FRMD3: variants seen among roughly 807,000 people sequenced by gnomAD.
FRMD3 encodes FERM domain containing 3.
In FRMD3, 33 loss-of-function variants were observed where a neutral mutation model predicts 70.2. The ratio of observed to expected loss-of-function variants is 0.47; its 90% CI spans 0.36 to 0.63. FRMD3 has a LOEUF of 0.63. Ranked by LOEUF, FRMD3 falls within the 20% of genes least tolerant of loss-of-function variation. The pLI is 0.00. For missense variants in FRMD3, 632 were observed against 711.4 expected, an observed-to-expected ratio of 0.89 and a Z score of 1.27; for synonymous variants, 279 against 255.9, an observed-to-expected ratio of 1.09 and a Z score of -0.86.
At chr9:83,402,118 T>A (rs1825966142) in intron 1 of FRMD3, among the ~76,000 whole-genome samples, 1 of 151,636 alleles carries the variant, frequency 6.6e-6, no homozygotes, top group Admixed American at 6.6e-5. Context: ...TGCTTGTGGC[T>A]CATATTTTTT....
At chr9:83,576,944 C>T in the FRMD3 span, among the ~76,000 whole-genome samples, 1 of 152,046 alleles carries the variant, frequency 6.6e-6, no homozygotes, top group Admixed American at 6.6e-5. Context: ...TTGTATTTCT[C>T]TATGCTAGGA....
At chr9:83,382,051 A>G (rs540971498) in intron 2 of FRMD3, among the ~76,000 whole-genome samples, 39 of 151,692 alleles carry the variant, frequency 2.6e-4, no homozygotes, top group Non-Finnish European at 3.2e-4. Context: ...ATGCCATAGG[A>G]TGTAAAAAAA....
At chr9:83,261,744 G>A (rs1833005965) in intron 13 of FRMD3, among the ~76,000 whole-genome samples, 2 of 152,172 alleles carry the variant, frequency 1.3e-5, no homozygotes, top group South Asian at 2.1e-4. Flanking sequence ...GCTAAGTTTG[G>A]GAAACTGCAC....
At chr9:83,490,044 G>C (rs575700086) in intron 1 of FRMD3, among the ~76,000 whole-genome samples, 1 of 152,174 alleles carries the variant, frequency 6.6e-6, no homozygotes, top group South Asian at 2.1e-4. Context: ...ATATACACTG[G>C]CGCCCAGCCC....
At chr9:83,270,456 G>A (rs1833497324) in intron 13 of FRMD3, among the ~76,000 whole-genome samples, 1 of 152,178 alleles carries the variant, frequency 6.6e-6, no homozygotes, top group Non-Finnish European at 1.5e-5. Flanking sequence ...GGACATCTGG[G>A]AGCCCTGGTG....
intron 1 of FRMD3, among the ~76,000 whole-genome samples, chr9:83,480,204 G>T (rs1167804513): frequency 1.3e-5 from 2 of 152,074 alleles, no homozygotes; most frequent in East Asian, 3.9e-4. Context: ...CATAAATAGG[G>T]CAGCAAATGA....
In FRMD3 at chr9:83,245,790, G is replaced by A. The variant is rs188466605; in HGVS notation, c.*2128C>T. The stretch of plus-strand genomic sequence containing the variant: ...GCAGACTACACTAAAGTTGCCTTAT[G>A]TCAGAAAGGATGACTTAGAAGTCGT... On this transcript the variant is annotated 3_prime_UTR_variant, in exon 14 of 14. Coordinates refer to ENST00000304195, the MANE Select transcript of FRMD3 (RefSeq NM_174938.6). The A allele has an allele frequency of 1.0e-6, 1 of 985,044 alleles. No homozygotes were observed. The highest frequency in any genetic ancestry group is 6.1e-5 in the Admixed American group (1 of 16,282). The allele number at this position is 985,044 out of a possible 1,614,324, so 61.0% of individuals were successfully genotyped here.
intron 12 of FRMD3, among the ~76,000 whole-genome samples, chr9:83,292,869 C>T (rs1834497340): frequency 6.6e-6 from 1 of 151,988 alleles, no homozygotes; most frequent in African/African-American, 2.4e-5. Flanking sequence ...TGGTCTCAAA[C>T]TCCTGACCTA....
At chr9:83,510,778 G>A (rs976564195) in intron 1 of FRMD3, among the ~76,000 whole-genome samples, 6 of 152,252 alleles carry the variant, frequency 3.9e-5, no homozygotes, top group Non-Finnish European at 8.8e-5. Context: ...ACCACATACT[G>A]TATCATTCCG....
the FRMD3 span, among the ~76,000 whole-genome samples, chr9:83,553,913 G>A: frequency 4.1e-4 from 63 of 152,336 alleles, no homozygotes; most frequent in Middle Eastern, 3.4e-3. Context: ...ATGGTCATCT[G>A]GAGTACATAC....
At chr9:83,564,955 C>T in the FRMD3 span, among the ~76,000 whole-genome samples, 1 of 152,204 alleles carries the variant, frequency 6.6e-6, no homozygotes, top group Non-Finnish European at 1.5e-5. Context: ...GCAGAGGCAG[C>T]AGATGTCAGA....
intron 10 of FRMD3, among the ~76,000 whole-genome samples, chr9:83,304,383 A>C (rs1300677998): frequency 2.0e-5 from 3 of 152,152 alleles, no homozygotes; most frequent in African/African-American, 7.2e-5. Context: ...GACCCACCGC[A>C]CAGTATCCCC....
intron 1 of FRMD3, among the ~76,000 whole-genome samples, chr9:83,460,984 GA>G (rs1262766448): frequency 6.6e-6 from 1 of 151,836 alleles, no homozygotes; most frequent in Non-Finnish European, 1.5e-5. Context: ...TAGAGGTGGG[GA>G]CAGCCAGGGT....
chr9:83,342,623 T>C (rs941559647), intron 5 of FRMD3, among the ~76,000 whole-genome samples: 21 of 151,970 alleles, frequency 1.4e-4, no homozygotes, highest in Admixed American at 1.3e-4. Context: ...TTAGACATGA[T>C]AGACATGTAC....
At chr9:83,449,831 T>C (rs567887652) in intron 1 of FRMD3, among the ~76,000 whole-genome samples, 5 of 152,318 alleles carry the variant, frequency 3.3e-5, no homozygotes, top group East Asian at 3.9e-4. Flanking sequence ...TATGTTAAGA[T>C]TGGAAACTCA....
At chr9:83,404,179 C>T (rs1057060597) in intron 1 of FRMD3, among the ~76,000 whole-genome samples, 4 of 152,296 alleles carry the variant, frequency 2.6e-5, no homozygotes, top group Middle Eastern at 3.4e-3. Context: ...ACACCTACCC[C>T]TTTCTTCAAG....
At chr9:83,355,864 A>G (rs1824319168) in intron 3 of FRMD3, among the ~76,000 whole-genome samples, 1 of 152,202 alleles carries the variant, frequency 6.6e-6, no homozygotes, top group African/African-American at 2.4e-5. Context: ...GGAAAAAGTG[A>G]AATCCACTTT....
intron 6 of FRMD3, among the ~76,000 whole-genome samples, chr9:83,335,026 CAGCT>C (rs1823529792): frequency 6.7e-6 from 1 of 150,166 alleles, no homozygotes; most frequent in Non-Finnish European, 1.5e-5. Flanking sequence ...TGCTACTGTG[CAGCT>C]ATCATTGAAG....
intron 1 of FRMD3, among the ~76,000 whole-genome samples, chr9:83,405,154 T>G (rs895596195): frequency 7.9e-5 from 12 of 152,260 alleles, no homozygotes; most frequent in Admixed American, 7.2e-4. Context: ...CCCCAGCAGT[T>G]TTAAGCACAA....
Sources: gnomAD v4.1 joint callset for allele counts (sites outside exome capture counted in the v4.1 genomes callset) on GRCh38, gnomAD v4.1.1 for gene constraint, MANE v1.5 for transcripts, NCBI Gene and HGNC (gene_info 2026-07-23, HGNC 2026-07-21) for gene names.